The following MAGI2 variants were observed in gnomAD, a reference collection of about 807,000 sequenced individuals.
MAGI2 encodes the protein membrane associated guanylate kinase, WW and PDZ domain containing 2, also known as membrane-associated guanylate kinase, WW and PDZ domain-containing protein 2.
MAGI2 carries 35 observed loss-of-function variants against 133.3 expected under a neutral mutation model. The observed-to-expected ratio is 0.26, with a 90% CI of 0.20 to 0.35. The LOEUF (loss-of-function observed/expected upper bound fraction) is 0.35, where lower values mean the gene tolerates loss of function less well. Ranked by LOEUF, MAGI2 falls within the 10% of genes least tolerant of loss-of-function variation. The pLI is 1.00. For synonymous variants in MAGI2, 729 were observed against 710.6 expected (o/e 1.03, Z -0.41); for missense variants, 1,636 against 1,863.4 (o/e 0.88, Z 2.25).
At chr7:78,336,833 G>C (rs761650301) in intron 9 of MAGI2, among the ~76,000 whole-genome samples, 3 of 152,126 alleles carry the variant, frequency 2.0e-5, no homozygotes, top group Non-Finnish European at 2.9e-5. Context: ...TAGGATGCTC[G>C]CGAGTTTTTC....
chr7:78,285,061 C>T (rs1796008059), intron 9 of MAGI2, among the ~76,000 whole-genome samples: 1 of 152,140 alleles, frequency 6.6e-6, no homozygotes, highest in African/African-American at 2.4e-5. Context: ...CGGTGAGTAA[C>T]TTTGACAACT....
intron 1 of MAGI2, among the ~76,000 whole-genome samples, chr7:79,317,816 C>G (rs1028031373): frequency 4.0e-4 from 61 of 152,142 alleles, no homozygotes; most frequent in Non-Finnish European, 5.9e-5. Context: ...ACTGTGAACT[C>G]AATGACTCAT....
intron 6 of MAGI2, among the ~76,000 whole-genome samples, chr7:78,378,278 T>C (rs1199448220): frequency 2.0e-5 from 3 of 151,870 alleles, no homozygotes; most frequent in African/African-American, 7.2e-5. Context: ...GTAGAGATAA[T>C]CCAGCATATG....
At chr7:79,244,582 A>C (rs1345414644) in intron 1 of MAGI2, among the ~76,000 whole-genome samples, 3 of 152,196 alleles carry the variant, frequency 2.0e-5, no homozygotes, top group Non-Finnish European at 4.4e-5. Context: ...CCAGAGGGGA[A>C]TTGCCTATCC....
chr7:79,350,157 G>A (rs1181715291), intron 1 of MAGI2, among the ~76,000 whole-genome samples: 1 of 152,022 alleles, frequency 6.6e-6, no homozygotes, highest in Admixed American at 6.6e-5. Context: ...GAACTGTGAG[G>A]AGTCATGAAA....
chr7:78,144,910 T>C (rs564812802), intron 16 of MAGI2, among the ~76,000 whole-genome samples: 1 of 152,198 alleles, frequency 6.6e-6, no homozygotes, highest in Admixed American at 6.6e-5. Context: ...TGCTCTGGTG[T>C]GTGTTGTTCC....
chr7:79,160,804 T>C (rs1372380100), intron 1 of MAGI2, among the ~76,000 whole-genome samples: 1 of 152,052 alleles, frequency 6.6e-6, no homozygotes, highest in East Asian at 1.9e-4. Context: ...AGACAGGCTT[T>C]ATGATAACTG....
At chr7:78,939,797 C>T (rs943036530) in intron 2 of MAGI2, 2 of 152,038 alleles carry the variant, frequency 1.3e-5, no homozygotes, top group Non-Finnish European at 2.9e-5. Flanking sequence ...AAAAGCTCCT[C>T]GGGATTCACT....
intron 3 of MAGI2, among the ~76,000 whole-genome samples, chr7:78,622,963 A>G (rs563423659): frequency 7.9e-5 from 12 of 152,194 alleles, no homozygotes; most frequent in African/African-American, 2.9e-4. Context: ...CTAAAGTGCC[A>G]GTACTGAAAA....
At chr7:78,120,933 G>A (rs1306513245) in intron 20 of MAGI2, among the ~76,000 whole-genome samples, 17 of 143,394 alleles carry the variant, frequency 1.2e-4, no homozygotes, top group Admixed American at 4.2e-4. Context: ...CCCGGGAGGC[G>A]GAGCTTGCAG....
chr7:79,287,346 T>G (rs562651358), intron 1 of MAGI2, among the ~76,000 whole-genome samples: 1 of 152,244 alleles, frequency 6.6e-6, no homozygotes, highest in Non-Finnish European at 1.5e-5. Context: ...TATATTCATA[T>G]TCACTAAGAT....
At chr7:78,945,868 A>T (rs1489339714) in intron 2 of MAGI2, among the ~76,000 whole-genome samples, 1 of 152,138 alleles carries the variant, frequency 6.6e-6, no homozygotes, top group Non-Finnish European at 1.5e-5. Flanking sequence ...CATCTTCGGG[A>T]TCTTCCTCAT....
chr7:78,046,420 A>C (rs546121321), intron 21 of MAGI2, among the ~76,000 whole-genome samples: 7 of 151,940 alleles, frequency 4.6e-5, no homozygotes, highest in South Asian at 4.2e-4. Flanking sequence ...ACAAAAAAAA[A>C]ACAAAGGAAT....
In MAGI2 at chr7:79,121,435, AATTTTTACTTAATTCTTTGGAG is replaced by A. The variant is rs1399688804; in HGVS notation, c.302-114251_302-114230del. Among the ~76,000 whole-genome samples, 3 of 152,078 alleles carry A rather than the reference AATTTTTACTTAATTCTTTGGAG, an allele frequency of 2.0e-5. No individual in the cohort carries two copies. The South Asian group carries it at 6.2e-4, about 31-fold the overall frequency. On this transcript the variant is annotated intron_variant, in intron 1 of 21. Coordinates refer to ENST00000354212, the MANE Select transcript of MAGI2 (RefSeq NM_012301.4). ...TTTGTTTCTTTTTTCTAAAAAAAAAAATTTTTACTTAATTCTTTGGAGACATTTCCATCATTTCCTTAGGCGC... is the reference window on the plus strand; with the variant it reads ...TTTGTTTCTTTTTTCTAAAAAAAAAAACATTTCCATCATTTCCTTAGGCGC...
chr7:79,168,908 A>T (rs1374270027), intron 1 of MAGI2, among the ~76,000 whole-genome samples: 1 of 9,530 alleles, frequency 1.0e-4, no homozygotes, highest in Non-Finnish European at 7.6e-4. Flanking sequence ...ATATATATAT[A>T]TATATATATA....
intron 2 of MAGI2, among the ~76,000 whole-genome samples, chr7:78,813,225 A>C (rs1214838678): frequency 1.3e-5 from 2 of 152,228 alleles, no homozygotes; most frequent in African/African-American, 4.8e-5. Flanking sequence ...AATTAACATT[A>C]TAACAAAGTC....
intron 1 of MAGI2, among the ~76,000 whole-genome samples, chr7:79,100,645 T>A (rs1042906635): frequency 2.0e-5 from 3 of 151,526 alleles, no homozygotes; most frequent in African/African-American, 4.8e-5. Flanking sequence ...TAAGTTAAAA[T>A]TTTTTAAAAA....
chr7:78,709,560 C>T (rs377532881), intron 2 of MAGI2, among the ~76,000 whole-genome samples: 7 of 152,208 alleles, frequency 4.6e-5, no homozygotes, highest in Admixed American at 1.3e-4. Flanking sequence ...CTTCAGTTCA[C>T]GTTTATTTTG....
intron 6 of MAGI2, among the ~76,000 whole-genome samples, chr7:78,458,305 A>AG (rs1010000310): frequency 2.6e-5 from 4 of 151,578 alleles, no homozygotes; most frequent in African/African-American, 9.7e-5. Flanking sequence ...AAAAAAAAAA[A>AG]AAAAGAATAA....
Sources: gnomAD v4.1 joint callset for allele counts (sites outside exome capture counted in the v4.1 genomes callset) on GRCh38, gnomAD v4.1.1 for gene constraint, MANE v1.5 for transcripts, NCBI Gene and HGNC (gene_info 2026-07-23, HGNC 2026-07-21) for gene names.